Variants in TINAG observed in about 807,000 individuals in gnomAD.
TINAG encodes the protein tubulointerstitial nephritis antigen.
Under a neutral mutation model 72.7 loss-of-function variants are expected in TINAG, and 83 were observed. The observed-to-expected ratio is 1.14, with a 90% CI of 0.96 to 1.37. The LOEUF (loss-of-function observed/expected upper bound fraction) is 1.37. Among genes scored for constraint, TINAG ranks in the 40% most tolerant of loss-of-function variants. The pLI, the probability that TINAG is intolerant of heterozygous loss-of-function variation, is 0.00. For missense variants in TINAG, 685 were observed against 576.6 expected, an observed-to-expected ratio of 1.19 and a Z score of -1.93; for synonymous variants, 234 against 189.9, an observed-to-expected ratio of 1.23 and a Z score of -1.91.
chr6:54,361,712 G>A (rs1763242446), intron 9 of TINAG, among the ~76,000 whole-genome samples: 1 of 151,676 alleles, frequency 6.6e-6, no homozygotes, highest in African/African-American at 2.4e-5. Flanking sequence ...TGTTGTTGGA[G>A]ATTGGCCAAA....
Position 54,326,784 on chromosome 6 carries a change from C to T in TINAG, c.510-18C>T. ...CCTGTATATATTTTTCTATATTTTT[C>T]TCTCATTTGTAAGGCAGATGGACAG... On this transcript the variant is annotated intron_variant, in intron 3 of 10. Transcript: ENST00000259782. 1 of 1,545,674 alleles carries T rather than the reference C, an allele frequency of 6.5e-7. No homozygotes were observed. The highest frequency in any genetic ancestry group is 8.7e-7 in the Non-Finnish European group (1 of 1,144,122).
chr6:54,357,366 T>C (rs1235560267), intron 9 of TINAG, among the ~76,000 whole-genome samples: 3 of 151,910 alleles, frequency 2.0e-5, no homozygotes, highest in Non-Finnish European at 4.4e-5. Flanking sequence ...AAAGCTGACA[T>C]CAACTGAATT....
chr6:54,315,985 T>C lies in TINAG; in HGVS notation c.356-4594T>C, dbSNP rs753662003. 2.0e-5 allele frequency among the ~76,000 whole-genome samples: 3 copies of C among 152,346 alleles called. No homozygotes were observed. The South Asian group carries it at 6.2e-4, about 32-fold the overall frequency. ...ATCACAGTCCATACTTTGCCACGTA[T>C]ACTGACAGTTACAAAAATATGACAC... is the stretch of plus-strand genomic sequence containing the variant. On this transcript the variant is annotated intron_variant, in intron 1 of 10. Transcript: ENST00000259782.
chr6:54,327,170 G>A (rs750305728), intron 4 of TINAG: 17 of 1,546,650 alleles, frequency 1.1e-5, no homozygotes, highest in Admixed American at 3.9e-5. Flanking sequence ...CAAGATGGCC[G>A]ATCAAGAACA....
At chr6:54,312,476 T>C (rs903386135) in intron 1 of TINAG, among the ~76,000 whole-genome samples, 2 of 152,160 alleles carry the variant, frequency 1.3e-5, no homozygotes, top group African/African-American at 2.4e-5. Flanking sequence ...AAAGTAAACA[T>C]CATACATAAT....
chr6:54,321,044 T>A (rs929415902), intron 2 of TINAG, among the ~76,000 whole-genome samples: 8 of 152,192 alleles, frequency 5.3e-5, no homozygotes, highest in Non-Finnish European at 1.0e-4. Context: ...TACTGTCCAA[T>A]TTGGCTTGTT....
intron 1 of TINAG, among the ~76,000 whole-genome samples, chr6:54,319,174 T>G (rs1004677701): frequency 2.0e-5 from 3 of 152,118 alleles, no homozygotes; most frequent in Non-Finnish European, 4.4e-5. Flanking sequence ...AAAATCAGCT[T>G]TGTTTTTATC....
In TINAG at chr6:54,374,333, C is replaced by T. The variant is rs562464576; in HGVS notation, c.1251-6193C>T. On this transcript the variant is annotated intron_variant, in intron 9 of 10. Transcript: ENST00000259782. The stretch of plus-strand genomic sequence containing the variant: ...TTTGTAGCTTCCTGGCAGAACATAT[C>T]GATAAAAGTACCTGATCTTAGATAT... 3.9e-5 allele frequency among the ~76,000 whole-genome samples: 6 copies of T among 152,108 alleles called. No individual in the cohort carries two copies. The East Asian group carries it at 5.8e-4, about 15-fold the overall frequency.
intron 6 of TINAG, 75 bp downstream of exon 6, chr6:54,347,592 C>A: frequency 1.3e-6 from 2 of 1,491,580 alleles, no homozygotes; most frequent in Admixed American, 2.3e-5. Context: ...AAAATAATCC[C>A]AAGATTTTTA....
chr6:54,317,710 A>C (rs1264918441), intron 1 of TINAG, among the ~76,000 whole-genome samples: 3 of 152,084 alleles, frequency 2.0e-5, no homozygotes, highest in Admixed American at 2.0e-4. Flanking sequence ...AACTTTATAA[A>C]ATCTCTCCCT....
chr6:54,378,006 A>G (rs1358359387), intron 9 of TINAG, among the ~76,000 whole-genome samples: 3 of 152,062 alleles, frequency 2.0e-5, no homozygotes, highest in African/African-American at 7.2e-5. Flanking sequence ...TCTATGAAAT[A>G]TTTGATAACT....
chr6:54,350,833 T>C (rs565698163), intron 7 of TINAG, among the ~76,000 whole-genome samples: 13 of 151,812 alleles, frequency 8.6e-5, no homozygotes, highest in Admixed American at 7.9e-4. Context: ...TCAACCAAAA[T>C]GTAAATACCT....
rs764626943 is a variant in TINAG, at chr6:54,349,688, C to T, written c.900-28C>T. 4 of 1,510,684 alleles carry T rather than the reference C, an allele frequency of 2.6e-6. No individual in the cohort carries two copies. In the Admixed American group the frequency reaches 5.8e-5, roughly 22 times the overall value. 93.6% of individuals were successfully genotyped at this position (1,510,684 alleles called of 1,614,324 possible). On this transcript the variant is annotated intron_variant, in intron 6 of 10. Transcript: ENST00000259782. ...TATTACGACATTCTCCTAAATATTA[C>T]CTTTGCTTCTTTGCTTATTCCTCAT...
chr6:54,352,376 T>G (rs577770030), intron 8 of TINAG, among the ~76,000 whole-genome samples: 2 of 151,860 alleles, frequency 1.3e-5, no homozygotes, highest in African/African-American at 4.8e-5. Flanking sequence ...TTAGCATTTA[T>G]TGAGAAACCA....
chr6:54,324,471 C>T (rs753202443), intron 3 of TINAG, among the ~76,000 whole-genome samples: 7 of 152,198 alleles, frequency 4.6e-5, no homozygotes, highest in Non-Finnish European at 1.0e-4. Context: ...TTCATGATAT[C>T]AATTCTACCA....
At chr6:54,373,709 CA>C (rs1214960876) in intron 9 of TINAG, among the ~76,000 whole-genome samples, 1 of 151,968 alleles carries the variant, frequency 6.6e-6, no homozygotes, top group African/African-American at 2.4e-5. Flanking sequence ...ATTTTATTAA[CA>C]AAAACAGGCA....
chr6:54,351,725 T>C (rs1785271183), intron 8 of TINAG, among the ~76,000 whole-genome samples: 1 of 151,954 alleles, frequency 6.6e-6, no homozygotes, highest in Non-Finnish European at 1.5e-5. Context: ...CTGACTAATT[T>C]GTAATGAAGC....
At chr6:54,371,757 G>C (rs1022807576) in intron 9 of TINAG, among the ~76,000 whole-genome samples, 2 of 151,806 alleles carry the variant, frequency 1.3e-5, no homozygotes, top group Non-Finnish European at 2.9e-5. Flanking sequence ...TAGGAATTTG[G>C]TCATTTACAC....
chr6:54,349,492 G>C (rs1346651283), intron 6 of TINAG, among the ~76,000 whole-genome samples: 1 of 151,838 alleles, frequency 6.6e-6, no homozygotes, highest in African/African-American at 2.4e-5. Flanking sequence ...TATAAAAATT[G>C]ATCAAAGCAA....
Sources: gnomAD v4.1 joint callset for allele counts (sites outside exome capture counted in the v4.1 genomes callset) on GRCh38, gnomAD v4.1.1 for gene constraint, MANE v1.5 for transcripts, NCBI Gene and HGNC (gene_info 2026-07-23, HGNC 2026-07-21) for gene names.